AKAP19: variants seen among roughly 807,000 people sequenced by gnomAD.
The protein encoded by AKAP19 is A-kinase anchoring protein 19, also known as small A-kinase anchoring protein.
the AKAP19 span, among the ~76,000 whole-genome samples, chr2:189,994,384 C>T: frequency 6.6e-6 from 1 of 151,622 alleles, no homozygotes; most frequent in African/African-American, 2.4e-5. Context: ...TGAGGTGTGA[C>T]CTTAAGATTG....
chr2:190,179,263 C>T, the AKAP19 span, among the ~76,000 whole-genome samples: 1 of 151,924 alleles, frequency 6.6e-6, no homozygotes, highest in African/African-American at 2.4e-5. This position sits in a 1 kb window ranked among gnomAD's most constrained non-coding sequence, Gnocchi z 6.0. Context: ...CAAAAATTAG[C>T]CTGGCATGGT....
chr2:190,199,604 G>GAGGTAAA, the AKAP19 span: 1 of 665,496 alleles, frequency 1.5e-6, no homozygotes, highest in Non-Finnish European at 2.1e-6. Flanking sequence ...TCTTCCATGT[G>GAGGTAAA]ACCAAAGTGA....
the AKAP19 span, among the ~76,000 whole-genome samples, chr2:189,994,093 C>T: frequency 6.6e-6 from 1 of 151,688 alleles, no homozygotes; most frequent in South Asian, 2.1e-4. Context: ...TCACTGCAAC[C>T]TCCACCTCCT....
the AKAP19 span, chr2:190,056,064 A>G: frequency 2.0e-5 from 3 of 152,548 alleles, no homozygotes; most frequent in African/African-American, 7.2e-5. Flanking sequence ...CCATAAGTGA[A>G]TGTTAATCAT....
the AKAP19 span, among the ~76,000 whole-genome samples, chr2:189,978,211 C>G: frequency 6.6e-6 from 1 of 152,276 alleles, no homozygotes; most frequent in Non-Finnish European, 1.5e-5. Context: ...ACATAATACC[C>G]ATTAGGTAGT....
At chr2:190,001,391 C>T in the AKAP19 span, among the ~76,000 whole-genome samples, 1 of 152,090 alleles carries the variant, frequency 6.6e-6, no homozygotes, top group South Asian at 2.1e-4. Context: ...TCTTTGCATG[C>T]CTCATAATTT....
the AKAP19 span, among the ~76,000 whole-genome samples, chr2:190,075,450 A>G: frequency 6.6e-6 from 1 of 152,148 alleles, no homozygotes; most frequent in South Asian, 2.1e-4. Context: ...CTCCAACTCT[A>G]ATGATGAATC....
the AKAP19 span, among the ~76,000 whole-genome samples, chr2:189,999,193 GTTTC>G: frequency 6.6e-6 from 1 of 151,782 alleles, no homozygotes; most frequent in East Asian, 1.9e-4. Flanking sequence ...GATTTGAGAT[GTTTC>G]TTTATCAATG....
chr2:189,937,632 T>C, the AKAP19 span, among the ~76,000 whole-genome samples: 1 of 152,130 alleles, frequency 6.6e-6, no homozygotes, highest in African/African-American at 2.4e-5. Context: ...AAAGAAGACA[T>C]ACAAATGGCA....
At chr2:189,934,250 A>T in the AKAP19 span, among the ~76,000 whole-genome samples, 1 of 152,004 alleles carries the variant, frequency 6.6e-6, no homozygotes, top group African/African-American at 2.4e-5. Context: ...GTAACATCAC[A>T]TTTTTTGCAT....
the AKAP19 span, among the ~76,000 whole-genome samples, chr2:190,151,377 A>C: frequency 1.3e-5 from 2 of 152,046 alleles, no homozygotes; most frequent in South Asian, 2.1e-4. Context: ...CCATCCCCCC[A>C]TGACAGGCCA....
the AKAP19 span, among the ~76,000 whole-genome samples, chr2:190,080,980 G>A: frequency 6.6e-6 from 1 of 152,144 alleles, no homozygotes; most frequent in Non-Finnish European, 1.5e-5. Flanking sequence ...AGGGGATCAG[G>A]TTCAGGCAAC....
chr2:189,947,562 C>G, the AKAP19 span, among the ~76,000 whole-genome samples: 4 of 152,000 alleles, frequency 2.6e-5, no homozygotes, highest in African/African-American at 9.7e-5. Context: ...CTTGGGCTAG[C>G]TGCATAATCT....
the AKAP19 span, among the ~76,000 whole-genome samples, chr2:189,968,492 G>A: frequency 6.6e-6 from 1 of 152,122 alleles, no homozygotes; most frequent in Non-Finnish European, 1.5e-5. Flanking sequence ...CTCCTGCCTT[G>A]GCCTCCAAGA....
chr2:190,115,175 GAGAGAGAC>G, the AKAP19 span, among the ~76,000 whole-genome samples: 2 of 139,230 alleles, frequency 1.4e-5, no homozygotes, highest in Non-Finnish European at 3.1e-5. Context: ...GTGTGAGGGG[GAGAGAGAC>G]AGAGAGAGAG....
chr2:190,169,794 T>C, the AKAP19 span, among the ~76,000 whole-genome samples: 3 of 152,216 alleles, frequency 2.0e-5, no homozygotes, highest in Non-Finnish European at 4.4e-5. Context: ...ATTAGCTGGA[T>C]GCTTTAAGAG....
At chr2:190,203,374 G>C in the AKAP19 span, 1 of 166,964 alleles carries the variant, frequency 6.0e-6, no homozygotes, top group Non-Finnish European at 1.5e-5. Context: ...AGTTTTATTA[G>C]CAAATCCTCT....
chr2:190,151,731 G>A, the AKAP19 span, among the ~76,000 whole-genome samples: 1 of 151,432 alleles, frequency 6.6e-6, no homozygotes, highest in African/African-American at 2.4e-5. Context: ...GCCGGGCATA[G>A]TGGCTCACGC....
the AKAP19 span, among the ~76,000 whole-genome samples, chr2:190,155,287 A>C: frequency 0.57 from 86,877 of 151,978 alleles, 25,510 homozygotes; most frequent in Middle Eastern, 0.67. Context: ...AGAAGAACTA[A>C]CAACAGAATA....
Sources: allele counts gnomAD v4.1 joint callset (sites outside exome capture counted in the v4.1 genomes callset), GRCh38; gene constraint gnomAD v4.1.1; non-coding constraint Gnocchi (gnomAD v3.1); transcripts MANE v1.5; gene names NCBI Gene and HGNC (gene_info 2026-07-23, HGNC 2026-07-21).